PSD3: variants seen among roughly 807,000 people sequenced by gnomAD.
The protein encoded by PSD3 is PH and SEC7 domain-containing protein 3.
PSD3 carries 49 observed loss-of-function variants against 105.5 expected under a neutral mutation model. The observed-to-expected ratio is 0.46, with a 90% confidence interval of 0.37 to 0.59. The LOEUF (loss-of-function observed/expected upper bound fraction) is 0.59, where lower values mean the gene tolerates loss of function less well. Ranked by LOEUF, PSD3 falls within the 20% of genes least tolerant of loss-of-function variation. PSD3 has a pLI of 0.00. For synonymous variants in PSD3, 557 were observed against 457.8 expected, an observed-to-expected ratio of 1.22 and a Z score of -2.77; for missense variants, 1,561 against 1,263.8, an observed-to-expected ratio of 1.24 and a Z score of -3.57.
At position 18,820,895 on chromosome 8, in the gene PSD3, G is replaced by T. The variant is rs371617508; in HGVS notation, c.1635-15997C>A. Among the ~76,000 whole-genome samples the T allele has an allele frequency of 1.2e-3, 176 of 151,874 alleles. 1 individual carries two copies. The highest frequency in any genetic ancestry group is 2.8e-3 in the Admixed American group (42 of 15,246). Reference sequence around the variant, plus strand: ...CAGCCTCCTAACTGGGACCACAGGCGTGAGTCACAATGCTCAGCTAATTTT... The same window carrying T: ...CAGCCTCCTAACTGGGACCACAGGCTTGAGTCACAATGCTCAGCTAATTTT... On this transcript the variant is annotated intron_variant, in intron 4 of 15. Coordinates refer to ENST00000327040, the MANE Select transcript of PSD3 (RefSeq NM_015310.4).
chr8:18,643,429 C>T (rs4921943), intron 10 of PSD3, among the ~76,000 whole-genome samples: 44,877 of 151,976 alleles, frequency 0.3, 7,054 homozygotes, highest in Non-Finnish European at 0.34. Context: ...CTCAGAAGTC[C>T]GAAGTCCAAA....
intron 8 of PSD3, among the ~76,000 whole-genome samples, chr8:18,787,171 C>A (rs1295036533): frequency 6.6e-6 from 1 of 152,170 alleles, no homozygotes; most frequent in East Asian, 1.9e-4. Flanking sequence ...CAGTTCCATT[C>A]ATTTTCTTCC....
intron 1 of PSD3, among the ~76,000 whole-genome samples, chr8:19,004,420 G>A (rs560066433): frequency 6.6e-6 from 1 of 152,160 alleles, no homozygotes; most frequent in Non-Finnish European, 1.5e-5. Flanking sequence ...CTAGAACTGT[G>A]CTAAGCCCTC....
At chr8:18,973,056 G>T (rs1183003408) in intron 1 of PSD3, among the ~76,000 whole-genome samples, 2 of 152,160 alleles carry the variant, frequency 1.3e-5, no homozygotes, top group Non-Finnish European at 2.9e-5. Context: ...TGAGTCTTGG[G>T]GGTTTATTCG....
chr8:18,918,199 C>CTTCTT (rs1820748574), intron 2 of PSD3, among the ~76,000 whole-genome samples: 2 of 152,242 alleles, frequency 1.3e-5, no homozygotes. Context: ...TTGACACCAG[C>CTTCTT]TGCTCTGACC....
At chr8:18,793,107 T>C (rs576199986) in intron 8 of PSD3, among the ~76,000 whole-genome samples, 35 of 152,182 alleles carry the variant, frequency 2.3e-4, no homozygotes, top group Non-Finnish European at 4.3e-4. Flanking sequence ...TTCTCACTCA[T>C]AGGTGGGAAC....
chr8:19,023,196 A>G (rs867330915), intron 1 of PSD3, among the ~76,000 whole-genome samples: 3 of 152,164 alleles, frequency 2.0e-5, no homozygotes, highest in African/African-American at 2.4e-5. Context: ...TTACAACCAC[A>G]TTGTGAATAT....
At chr8:18,916,297 G>T (rs1820579773) in intron 2 of PSD3, among the ~76,000 whole-genome samples, 2 of 31,268 alleles carry the variant, frequency 6.4e-5, no homozygotes, top group Non-Finnish European at 1.2e-4. Context: ...TAAAAAAAGT[G>T]ATATATATAT....
intron 4 of PSD3, among the ~76,000 whole-genome samples, chr8:18,846,699 T>C (rs1180571427): frequency 6.6e-6 from 1 of 152,176 alleles, no homozygotes; most frequent in Non-Finnish European, 1.5e-5. Flanking sequence ...TCTGCCTGGA[T>C]AGAAGTTGCA....
chr8:18,778,738 C>A (rs1203591089), intron 8 of PSD3, among the ~76,000 whole-genome samples: 1 of 151,244 alleles, frequency 6.6e-6, no homozygotes, highest in Admixed American at 6.6e-5. Context: ...AATTTTTGAC[C>A]TTTTTGTGAC....
intron 9 of PSD3, among the ~76,000 whole-genome samples, chr8:18,712,066 C>T (rs769351980): frequency 6.6e-6 from 1 of 152,088 alleles, no homozygotes; most frequent in African/African-American, 2.4e-5. Flanking sequence ...TTACGAAGTT[C>T]TCTGAAACTA....
At chr8:18,866,958 C>T (rs1415622211) in intron 4 of PSD3, among the ~76,000 whole-genome samples, 2 of 151,792 alleles carry the variant, frequency 1.3e-5, no homozygotes, top group Non-Finnish European at 2.9e-5. Flanking sequence ...AGGTAGATAA[C>T]CTGAGGATGA....
chr8:18,734,821 G>A (rs190813142), intron 9 of PSD3, among the ~76,000 whole-genome samples: 1 of 152,246 alleles, frequency 6.6e-6, no homozygotes, highest in East Asian at 1.9e-4. Flanking sequence ...CTGATGTTTT[G>A]TAAGGTGTTA....
intron 2 of PSD3, among the ~76,000 whole-genome samples, chr8:18,913,332 T>C (rs1820371432): frequency 6.6e-6 from 1 of 151,780 alleles, no homozygotes; most frequent in South Asian, 2.1e-4. Flanking sequence ...TACTACTTTG[T>C]CAACCTGTTC....
intron 1 of PSD3, among the ~76,000 whole-genome samples, chr8:19,074,995 G>C (rs1331054606): frequency 6.6e-6 from 1 of 151,216 alleles, no homozygotes; most frequent in Non-Finnish European, 1.5e-5. Flanking sequence ...TCCCAGACTG[G>C]AGTACAGTGG....
chr8:18,671,869 T>G (rs764422292), intron 9 of PSD3, among the ~76,000 whole-genome samples: 74 of 152,082 alleles, frequency 4.9e-4, no homozygotes, highest in Admixed American at 7.9e-4. Flanking sequence ...CTGACCTTGT[T>G]ATCCGCCCGC....
At chr8:18,647,474 G>C (rs908042018) in intron 10 of PSD3, among the ~76,000 whole-genome samples, 1 of 152,194 alleles carries the variant, frequency 6.6e-6, no homozygotes, top group Non-Finnish European at 1.5e-5. Context: ...ACGATGCAAA[G>C]TTGTAAAATG....
rs531232988 is a variant in PSD3 at position 18,605,897 on chromosome 8, G to T, written c.2411-5463C>A. Reference sequence around the variant, plus strand: ...CCTTTACCTTCCACCATAATTCTAAGTTTCCTGAGGCCTTCCCAGACACTG... The same window carrying T: ...CCTTTACCTTCCACCATAATTCTAATTTTCCTGAGGCCTTCCCAGACACTG... On this transcript the variant is annotated intron_variant, in intron 11 of 15. Coordinates refer to ENST00000327040, the MANE Select transcript of PSD3 (RefSeq NM_015310.4). 7.9e-5 allele frequency among the ~76,000 whole-genome samples: 12 copies of T among 152,214 alleles called. No individual in the cohort carries two copies. In the South Asian group the frequency reaches 2.5e-3, roughly 32 times the overall value.
rs1802209711 is a variant in PSD3, at chr8:18,572,577, T to C, written c.2735A>G (p.Lys912Arg). ...AGGCAGAAGTGGGCGGCTAAACTTC[T>C]TCTGAGAGCCGATTGCTGCTGGAAA... The part of the protein sequence containing the change: ...PPFPAAIGSQ[K>R]KFSRPLLPAT... The change falls in exon 14 of 16, where the codon AAG (lysine) becomes AGG (arginine). Residue 912 changes from lysine to arginine, a missense_variant. Transcript: ENST00000327040. 19 of 1,613,998 alleles carry C rather than the reference T, an allele frequency of 1.2e-5. No individual in the cohort carries two copies. The highest frequency in any genetic ancestry group is 1.5e-5 in the Non-Finnish European group (18 of 1,179,964).
Sources: allele counts gnomAD v4.1 joint callset (sites outside exome capture counted in the v4.1 genomes callset), GRCh38; gene constraint gnomAD v4.1.1; transcripts MANE v1.5; gene names NCBI Gene and HGNC (gene_info 2026-07-23, HGNC 2026-07-21).